The following CNTN5 variants were observed in gnomAD, a reference collection of about 807,000 sequenced individuals.
CNTN5 encodes the protein contactin 5, also known as contactin-5.
In CNTN5, 77 loss-of-function variants were observed where a neutral mutation model predicts 129.1. The observed-to-expected ratio is 0.60, with a 90% CI of 0.50 to 0.72. The LOEUF (loss-of-function observed/expected upper bound fraction) is 0.72. Among genes scored for constraint, CNTN5 ranks in the 30% least tolerant of loss-of-function variants. The pLI is 0.00. For missense variants in CNTN5, 1,478 were observed against 1,328.8 expected (o/e 1.11, Z -1.75); for synonymous variants, 509 against 465.6 (o/e 1.09, Z -1.20).
intron 1 of CNTN5, among the ~76,000 whole-genome samples, chr11:99,203,352 A>G (rs998731037): frequency 6.6e-6 from 1 of 152,192 alleles, no homozygotes; most frequent in Non-Finnish European, 1.5e-5. Flanking sequence ...CAAATATCAA[A>G]TAACTAGTTT....
intron 6 of CNTN5, among the ~76,000 whole-genome samples, chr11:99,862,507 G>A (rs979699308): frequency 7.2e-5 from 11 of 151,934 alleles, no homozygotes; most frequent in African/African-American, 2.7e-4. Flanking sequence ...TTGTACAAAG[G>A]AGTAGAAAAA....
intron 1 of CNTN5, among the ~76,000 whole-genome samples, chr11:99,255,474 A>G (rs1862332268): frequency 6.6e-6 from 1 of 151,064 alleles, no homozygotes; most frequent in Non-Finnish European, 1.5e-5. Flanking sequence ...GCCTAATAAT[A>G]TTACACTAAT....
intron 1 of CNTN5, among the ~76,000 whole-genome samples, chr11:99,282,269 A>G (rs1226643491): frequency 6.6e-6 from 1 of 152,110 alleles, no homozygotes; most frequent in East Asian, 1.9e-4. Flanking sequence ...ATGGACAATA[A>G]GCTATTATGA....
chr11:99,499,405 G>A (rs754033728), intron 2 of CNTN5, among the ~76,000 whole-genome samples: 1 of 152,102 alleles, frequency 6.6e-6, no homozygotes, highest in Non-Finnish European at 1.5e-5. Context: ...GCAGCGTTCA[G>A]TCTCTTGCCC....
intron 21 of CNTN5, among the ~76,000 whole-genome samples, chr11:100,320,996 C>T (rs1318807531): frequency 6.6e-6 from 1 of 151,996 alleles, no homozygotes; most frequent in African/African-American, 2.4e-5. Flanking sequence ...AGTTTGATAC[C>T]TCCAATTTTA....
intron 3 of CNTN5, among the ~76,000 whole-genome samples, chr11:99,598,810 G>T: frequency 1.3e-5 from 2 of 151,676 alleles, no homozygotes. Flanking sequence ...TTTACAGTAG[G>T]GAATAATTTA....
intron 3 of CNTN5, among the ~76,000 whole-genome samples, chr11:99,627,937 C>T (rs1361458303): frequency 1.3e-5 from 2 of 149,274 alleles, no homozygotes; most frequent in Non-Finnish European, 3.0e-5. Context: ...AACTTGGCTA[C>T]TAGATCAGGG....
At chr11:99,715,551 T>A (rs1188950988) in intron 3 of CNTN5, among the ~76,000 whole-genome samples, 1 of 151,900 alleles carries the variant, frequency 6.6e-6, no homozygotes. Context: ...CCAAAGTCTG[T>A]TTTATGGCCT....
chr11:99,099,988 G>A (rs1394122097), intron 1 of CNTN5, among the ~76,000 whole-genome samples: 1 of 152,042 alleles, frequency 6.6e-6, no homozygotes, highest in Non-Finnish European at 1.5e-5. Flanking sequence ...TTATTTCATA[G>A]TTAATGTTGG....
intron 1 of CNTN5, among the ~76,000 whole-genome samples, chr11:99,146,299 G>A (rs7951489): frequency 0.25 from 38,648 of 151,878 alleles, 5,328 homozygotes; most frequent in Middle Eastern, 0.32. Context: ...TATATAATTC[G>A]TTTATCCATT....
At chr11:99,738,615 A>AAG (rs201365714) in intron 3 of CNTN5, among the ~76,000 whole-genome samples, 17,009 of 112,932 alleles carry the variant, frequency 0.15, 983 homozygotes, top group Middle Eastern at 0.22. Context: ...TAAGACAGTA[A>AAG]CGTGTGTGTG....
At chr11:99,115,113 C>G (rs1000242977) in intron 1 of CNTN5, among the ~76,000 whole-genome samples, 7 of 152,134 alleles carry the variant, frequency 4.6e-5, no homozygotes, top group African/African-American at 1.7e-4. Flanking sequence ...GACTTCTCAG[C>G]CTCCCAAACT....
intron 3 of CNTN5, among the ~76,000 whole-genome samples, chr11:99,671,293 T>C (rs671129): frequency 0.6 from 91,326 of 152,024 alleles, 28,728 homozygotes; most frequent in Non-Finnish European, 0.7. Context: ...CACTGCCCAG[T>C]ACAGTGCCTG....
chr11:99,652,627 T>G (rs989287504), intron 3 of CNTN5, among the ~76,000 whole-genome samples: 1 of 152,040 alleles, frequency 6.6e-6, no homozygotes, highest in African/African-American at 2.4e-5. Flanking sequence ...TCTAACTTAT[T>G]TGGTGAAAAA....
At chr11:99,339,354 G>GT (rs1212259111) in intron 2 of CNTN5, among the ~76,000 whole-genome samples, 2 of 152,074 alleles carry the variant, frequency 1.3e-5, no homozygotes, top group African/African-American at 4.8e-5. Context: ...TGGTTGGGTG[G>GT]TTTTTTGCTT....
chr11:99,707,999 ATATTAT>A (rs550669287), intron 3 of CNTN5, among the ~76,000 whole-genome samples: 4 of 151,608 alleles, frequency 2.6e-5, no homozygotes, highest in Non-Finnish European at 5.9e-5. Flanking sequence ...AGGTCTGCAG[ATATTAT>A]TAATATACTT....
intron 2 of CNTN5, among the ~76,000 whole-genome samples, chr11:99,516,608 A>G (rs1947061375): frequency 6.6e-6 from 1 of 152,108 alleles, no homozygotes; most frequent in South Asian, 2.1e-4. Flanking sequence ...CCAATGGGGC[A>G]GTGACTGGCA....
In CNTN5 at chr11:99,838,569, C is replaced by T. The variant is rs1037545338; in HGVS notation, c.278-6283C>T. On this transcript the variant is annotated intron_variant, in intron 4 of 24. Coordinates refer to ENST00000524871, the MANE Select transcript of CNTN5 (RefSeq NM_014361.4). The stretch of plus-strand genomic sequence containing the variant: ...ATCTGAGTACCTTAGCTGGGAGGTT[C>T]TGGCTCTAGGTCTTTCATGAGGCTG... Among the ~76,000 whole-genome samples, 37 of 152,150 alleles carry T rather than the reference C, an allele frequency of 2.4e-4. 1 individual carries two copies. Among genetic ancestry groups the T allele is most frequent in the Admixed American group, 7.2e-4 (11 of 15,250 alleles).
chr11:99,990,453 T>TACAC (rs550501632), intron 8 of CNTN5, among the ~76,000 whole-genome samples: 40,732 of 143,584 alleles, frequency 0.28, 5,927 homozygotes, highest in South Asian at 0.41. Context: ...AATATATATA[T>TACAC]ATACACACAC....
Sources: gnomAD v4.1 joint callset for allele counts (sites outside exome capture counted in the v4.1 genomes callset) on GRCh38, gnomAD v4.1.1 for gene constraint, MANE v1.5 for transcripts, NCBI Gene and HGNC (gene_info 2026-07-23, HGNC 2026-07-21) for gene names.